Variants in ASXL3 observed in about 807,000 individuals in gnomAD.
ASXL3 encodes ASXL transcriptional regulator 3.
Under a neutral mutation model 170.6 loss-of-function variants are expected in ASXL3, and 34 were observed. The ratio of observed to expected loss-of-function variants is 0.20; its 90% CI spans 0.15 to 0.27. ASXL3 has a LOEUF of 0.27. Among genes scored for constraint, ASXL3 ranks in the 10% least tolerant of loss-of-function variants. ASXL3 has a pLI of 1.00. For missense variants in ASXL3, 2,592 were observed against 2,695.3 expected (o/e 0.96, Z 0.85); for synonymous variants, 1,002 against 989.1 (o/e 1.01, Z -0.24).
intron 2 of ASXL3, among the ~76,000 whole-genome samples, chr18:33,634,230 TAATA>T (rs1446935971): frequency 6.6e-6 from 1 of 151,688 alleles, no homozygotes; most frequent in African/African-American, 2.4e-5. Context: ...AGGAAGAAAA[TAATA>T]AACAATTTTT....
intron 8 of ASXL3, among the ~76,000 whole-genome samples, chr18:33,704,943 T>C (rs561325451): frequency 3.2e-4 from 48 of 152,062 alleles, no homozygotes; most frequent in African/African-American, 1.0e-3. Flanking sequence ...TTCTGTCATC[T>C]GTGTTCTTAG....
At chr18:33,719,206 G>T (rs2067218255) in intron 8 of ASXL3, among the ~76,000 whole-genome samples, 2 of 151,878 alleles carry the variant, frequency 1.3e-5, no homozygotes, top group Non-Finnish European at 2.9e-5. Context: ...TCATAACAAG[G>T]TTCCTTACCT....
intron 4 of ASXL3, among the ~76,000 whole-genome samples, chr18:33,659,250 G>A (rs1401302966): frequency 6.6e-6 from 1 of 152,024 alleles, no homozygotes; most frequent in Non-Finnish European, 1.5e-5. Flanking sequence ...GTTTGCCTTT[G>A]AAAGACAGAG....
intron 2 of ASXL3, among the ~76,000 whole-genome samples, chr18:33,617,844 T>A (rs910467061): frequency 1.3e-5 from 2 of 152,178 alleles, no homozygotes; most frequent in African/African-American, 4.8e-5. Flanking sequence ...TTACATTGTG[T>A]GTGAGTCTTT....
At chr18:33,667,048 G>A (rs1466862088) in intron 5 of ASXL3, among the ~76,000 whole-genome samples, 2 of 152,114 alleles carry the variant, frequency 1.3e-5, no homozygotes, top group Admixed American at 6.5e-5. Flanking sequence ...GGGGAAGTGC[G>A]GAGGTCAGCT....
chr18:33,611,120 A>G (rs1227361255), intron 2 of ASXL3, among the ~76,000 whole-genome samples: 1 of 152,090 alleles, frequency 6.6e-6, no homozygotes, highest in African/African-American at 2.4e-5. Flanking sequence ...TTTAAATATA[A>G]TTTTCATGTA....
intron 8 of ASXL3, among the ~76,000 whole-genome samples, chr18:33,685,584 G>A (rs1242157835): frequency 6.6e-6 from 1 of 152,142 alleles, no homozygotes; most frequent in Non-Finnish European, 1.5e-5. Flanking sequence ...TAGTCCATTT[G>A]CATTGCTATA....
chr18:33,664,808 A>G (rs1027876222), intron 5 of ASXL3, among the ~76,000 whole-genome samples: 3 of 152,212 alleles, frequency 2.0e-5, no homozygotes, highest in Non-Finnish European at 4.4e-5. Context: ...TCTGGAAGCT[A>G]TAATGTCCCT....
At chr18:33,608,569 C>T (rs920922340) in intron 2 of ASXL3, among the ~76,000 whole-genome samples, 3 of 151,882 alleles carry the variant, frequency 2.0e-5, no homozygotes, top group African/African-American at 7.2e-5. Context: ...GATGATACTA[C>T]TCAAGGAGAA....
At chr18:33,620,072 A>G (rs912890153) in intron 2 of ASXL3, among the ~76,000 whole-genome samples, 1 of 152,094 alleles carries the variant, frequency 6.6e-6, no homozygotes, top group African/African-American at 2.4e-5. Context: ...CCACTCTCCT[A>G]TCACCCATTT....
chr18:33,605,164 A>G (rs910213959), intron 1 of ASXL3, among the ~76,000 whole-genome samples: 8 of 151,950 alleles, frequency 5.3e-5, no homozygotes, highest in Admixed American at 2.0e-4. Flanking sequence ...TTGTTGGGGC[A>G]ATGGACAGTT....
rs1006900531 is a variant in ASXL3 at position 33,661,718 on chromosome 18, C to A, written c.458C>A (p.Thr153Asn). 1 of 1,612,496 alleles carries A rather than the reference C, an allele frequency of 6.2e-7. No individual in the cohort carries two copies. The highest frequency in any genetic ancestry group is 1.7e-5 in the Admixed American group (1 of 59,762). ...TTAGTGTCTTCCTTCCAGCAGCACA[C>A]CAAAAAGGCTCTTAAACAGGTAAGA... The part of the protein sequence containing the change: ...SKLVSSFQQH[T>N]KKALKQALRQ... The change falls in exon 5 of 12, where the codon ACC becomes AAC. Residue 153 changes from threonine to asparagine, a missense_variant. Around this residue, in one of 4 missense-constraint regions of ASXL3, gnomAD observed 251 missense variants for 281.9 expected, o/e 0.89. Coordinates refer to ENST00000269197, the MANE Select transcript of ASXL3 (RefSeq NM_030632.3).
At chr18:33,687,859 T>A (rs1269790640) in intron 8 of ASXL3, among the ~76,000 whole-genome samples, 1 of 152,178 alleles carries the variant, frequency 6.6e-6, no homozygotes, top group Admixed American at 6.5e-5. Flanking sequence ...AAAAGGACAT[T>A]TATTGGCTCA....
intron 5 of ASXL3, among the ~76,000 whole-genome samples, chr18:33,665,148 T>C (rs1393105393): frequency 6.6e-6 from 1 of 152,204 alleles, no homozygotes; most frequent in Non-Finnish European, 1.5e-5. Flanking sequence ...ACAAGATAAT[T>C]AAAGGTTAAA....
rs1200064349 is a variant in ASXL3, at chr18:33,661,604, C to G, written c.356-12C>G. The G allele has an allele frequency of 6.2e-7, 1 of 1,602,216 alleles. No individual in the cohort carries two copies. On this transcript the variant is annotated splice_polypyrimidine_tract_variant and intron_variant, in intron 4 of 11. Transcript: ENST00000269197. ...TCAAATTAGTAATATCATTATCTCT[C>G]TCTGTTTCTAGTTTGTTCGAAGCAG...
In ASXL3 at chr18:33,739,870, A is replaced by T; in HGVS notation, c.2466A>T (p.Ala822=). The change falls in exon 11 of 12, where the codon GCA becomes GCT. Residue 822 remains alanine, a synonymous_variant. Coordinates refer to ENST00000269197, the MANE Select transcript of ASXL3 (RefSeq NM_030632.3). ...IMSSSSIAPE[A]FPSEDLHNKT... is the part of the protein sequence containing the mutation. The stretch of plus-strand genomic sequence containing the variant: ...GTTCTTCTTCCATTGCTCCTGAAGC[A>T]TTTCCGTCTGAAGATTTGCACAATA... The T allele has an allele frequency of 6.2e-7, 1 of 1,613,962 alleles. No homozygotes were observed. Among genetic ancestry groups the T allele is most frequent in the Non-Finnish European group, 8.5e-7 (1 of 1,179,878 alleles).
At chr18:33,665,226 G>A (rs370915630) in intron 5 of ASXL3, among the ~76,000 whole-genome samples, 1 of 152,106 alleles carries the variant, frequency 6.6e-6, no homozygotes, top group Non-Finnish European at 1.5e-5. Context: ...GTTTGTGTTG[G>A]TTTATTTGAC....
At position 33,747,735 on chromosome 18, in the gene ASXL3, T is replaced by C. The variant is rs569974883; in HGVS notation, c.*1140T>C. The stretch of plus-strand genomic sequence containing the variant: ...ATATAATTCAACTTTGAAATAACCC[T>C]TATTTTGAAAAAAACTGTTCTAGGT... On this transcript the variant is annotated 3_prime_UTR_variant, in exon 12 of 12. Coordinates refer to ENST00000269197, the MANE Select transcript of ASXL3 (RefSeq NM_030632.3). The C allele has an allele frequency of 2.2e-4, 33 of 152,316 alleles. No individual in the cohort carries two copies. Among genetic ancestry groups the C allele is most frequent in the African/African-American group, 7.5e-4 (31 of 41,580 alleles). The allele number at this position is 152,316 out of a possible 1,614,324, so 9.4% of individuals were successfully genotyped here. A position where few individuals can be genotyped will look rare whatever the true frequency, so the allele number is the denominator to read the frequency against.
chr18:33,697,435 GA>G (rs1452889414), intron 8 of ASXL3, among the ~76,000 whole-genome samples: 1 of 152,104 alleles, frequency 6.6e-6, no homozygotes, highest in African/African-American at 2.4e-5. Flanking sequence ...GAACAGAAAA[GA>G]GAGCTTCTGA....
Sources: gnomAD v4.1 joint callset for allele counts (sites outside exome capture counted in the v4.1 genomes callset) on GRCh38, gnomAD v4.1.1 for gene constraint, gnomAD v4.1.1 regional missense constraint, MANE v1.5 for transcripts, NCBI Gene and HGNC (gene_info 2026-07-23, HGNC 2026-07-21) for gene names.